Variants in NWD2 observed in about 807,000 individuals in gnomAD.
NWD2 encodes NACHT and WD repeat domain containing 2.
Under a neutral mutation model 132.7 loss-of-function variants are expected in NWD2, and 37 were observed. The ratio of observed to expected loss-of-function variants is 0.28; its 90% confidence interval spans 0.21 to 0.37. The LOEUF (loss-of-function observed/expected upper bound fraction) is 0.37, where lower values mean the gene tolerates loss of function less well. Ranked by LOEUF, NWD2 falls within the 10% of genes least tolerant of loss-of-function variation. The pLI is 1.00. For missense variants in NWD2, 1,592 were observed against 2,122.4 expected (o/e 0.75, Z 4.91); for synonymous variants, 705 against 803.0 (o/e 0.88, Z 2.06).
chr4:37,247,052 G>A (rs549708193), intron 1 of NWD2, among the ~76,000 whole-genome samples: 1 of 152,298 alleles, frequency 6.6e-6, no homozygotes, highest in South Asian at 2.1e-4. Flanking sequence ...CAGGAGGGAG[G>A]AGCCAGTCAT....
intron 1 of NWD2, among the ~76,000 whole-genome samples, chr4:37,313,992 G>A (rs1278732240): frequency 6.9e-6 from 1 of 145,370 alleles, no homozygotes; most frequent in Non-Finnish European, 1.5e-5. Context: ...CACTGCGCCT[G>A]GCCATTGCTG....
intron 3 of NWD2, among the ~76,000 whole-genome samples, chr4:37,363,779 A>G (rs1221527629): frequency 1.3e-5 from 2 of 152,172 alleles, no homozygotes; most frequent in Non-Finnish European, 2.9e-5. Flanking sequence ...GCCAGGTAAC[A>G]AACCTGCGTA....
chr4:37,312,037 T>A (rs1264262649), intron 1 of NWD2, among the ~76,000 whole-genome samples: 2 of 151,990 alleles, frequency 1.3e-5, no homozygotes, highest in Non-Finnish European at 2.9e-5. Flanking sequence ...TGTAGCCTTG[T>A]AGTATAGTTT....
At chr4:37,262,951 T>C (rs59333050) in intron 1 of NWD2, among the ~76,000 whole-genome samples, 2,016 of 152,094 alleles carry the variant, frequency 0.013, 48 homozygotes, top group African/African-American at 0.046. Context: ...TAAAAATTAT[T>C]TGAGAGAGGA....
chr4:37,446,316 T>A lies in NWD2; in HGVS notation c.4328T>A (p.Phe1443Tyr). The A allele has an allele frequency of 6.4e-7, 1 of 1,551,844 alleles. No individual in the cohort carries two copies. Among genetic ancestry groups the A allele is most frequent in the Non-Finnish European group, 8.7e-7 (1 of 1,147,030 alleles). ...CNILTTLQNA[F>Y]ITSANTFVVG... ...ATTCTGACCACTTTGCAGAATGCCT[T>A]TATTACCTCCGCAAATACCTTCGTG... Residue 1443 changes from phenylalanine to tyrosine, a missense_variant, in exon 7 of 7, where the codon TTT (phenylalanine) becomes TAT (tyrosine). Physicochemically the swap from Phe to Tyr is conservative, Grantham distance 22. Transcript: ENST00000309447. This position sits in a 1 kb window ranked among gnomAD's most constrained non-coding sequence, Gnocchi z 6.7.
intron 2 of NWD2, among the ~76,000 whole-genome samples, chr4:37,326,244 A>G (rs543369628): frequency 6.6e-6 from 1 of 152,240 alleles, no homozygotes; most frequent in South Asian, 2.1e-4. Context: ...CCTTCCTGGT[A>G]TGGGCTCATC....
chr4:37,424,395 T>C (rs17576346), intron 3 of NWD2, among the ~76,000 whole-genome samples: 12,479 of 152,228 alleles, frequency 0.082, 1,034 homozygotes, highest in African/African-American at 0.2. Flanking sequence ...AAACATGGCC[T>C]TGGGCAAGCC....
chr4:37,255,006 C>G (rs1470048174), intron 1 of NWD2, among the ~76,000 whole-genome samples: 1 of 152,220 alleles, frequency 6.6e-6, no homozygotes. Context: ...GAGTTTCTTG[C>G]CGCAGAACGT....
chr4:37,349,500 TC>T (rs1387442388), intron 2 of NWD2, among the ~76,000 whole-genome samples: 6 of 152,350 alleles, frequency 3.9e-5, no homozygotes, highest in African/African-American at 1.4e-4. Flanking sequence ...AAGTGTCTGT[TC>T]ATATCCTTTG....
intron 1 of NWD2, among the ~76,000 whole-genome samples, chr4:37,253,145 ATG>A (rs1717416891): frequency 6.6e-6 from 1 of 152,164 alleles, no homozygotes; most frequent in Non-Finnish European, 1.5e-5. Flanking sequence ...CATCATTACT[ATG>A]TGTTATTGAA....
At chr4:37,395,943 C>T (rs141921208) in intron 3 of NWD2, among the ~76,000 whole-genome samples, 2,232 of 151,998 alleles carry the variant, frequency 0.015, 31 homozygotes, top group Admixed American at 0.026. Flanking sequence ...CTTGATAGCA[C>T]CTGTCTGAGA....
intron 2 of NWD2, 70 bp downstream of exon 2, chr4:37,326,094 C>A: frequency 9.7e-7 from 1 of 1,026,658 alleles, no homozygotes; most frequent in Non-Finnish European, 1.4e-6. Flanking sequence ...CTTGTCACAA[C>A]TTGAGTGTTG....
intron 3 of NWD2, among the ~76,000 whole-genome samples, chr4:37,423,939 C>T (rs1426883959): frequency 2.0e-5 from 3 of 152,114 alleles, no homozygotes; most frequent in Admixed American, 6.6e-5. Flanking sequence ...TGTATAGGTG[C>T]TTCTTGACTT....
chr4:37,421,029 C>T (rs1328578682), intron 3 of NWD2, among the ~76,000 whole-genome samples: 1 of 152,140 alleles, frequency 6.6e-6, no homozygotes, highest in East Asian at 1.9e-4. Context: ...GCAAGTTCTG[C>T]CTCCTGAGTC....
chr4:37,420,567 C>T (rs1711777910), intron 3 of NWD2, among the ~76,000 whole-genome samples: 1 of 152,184 alleles, frequency 6.6e-6, no homozygotes, highest in African/African-American at 2.4e-5. Flanking sequence ...CCTGTAGTCC[C>T]AGCTACTCAG....
chr4:37,254,702 G>GA (rs1427819461), intron 1 of NWD2, among the ~76,000 whole-genome samples: 2 of 151,592 alleles, frequency 1.3e-5, no homozygotes, highest in Non-Finnish European at 2.9e-5. Context: ...TGTATAATTA[G>GA]AAAAAAGAGT....
intron 2 of NWD2, among the ~76,000 whole-genome samples, chr4:37,334,681 A>G (rs1326645192): frequency 6.6e-6 from 1 of 152,202 alleles, no homozygotes; most frequent in East Asian, 1.9e-4. Flanking sequence ...GGGGGTGTTT[A>G]GCTAATCTCA....
chr4:37,323,109 T>C (rs972305401), intron 1 of NWD2, among the ~76,000 whole-genome samples: 2 of 152,094 alleles, frequency 1.3e-5, no homozygotes, highest in Admixed American at 1.3e-4. Flanking sequence ...AAAAACATGG[T>C]AATAATGTTA....
intron 1 of NWD2, among the ~76,000 whole-genome samples, chr4:37,277,781 A>G (rs1389563101): frequency 6.6e-6 from 1 of 152,060 alleles, no homozygotes; most frequent in African/African-American, 2.4e-5. Context: ...TGCATATCTC[A>G]CAATTTTTTG....
Sources: allele counts gnomAD v4.1 joint callset (sites outside exome capture counted in the v4.1 genomes callset), GRCh38; gene constraint gnomAD v4.1.1; non-coding constraint Gnocchi (gnomAD v3.1); transcripts MANE v1.5; gene names NCBI Gene and HGNC (gene_info 2026-07-23, HGNC 2026-07-21).